PPP1R16B: variants seen among roughly 807,000 people sequenced by gnomAD.
PPP1R16B encodes the protein protein phosphatase 1 regulatory subunit 16B.
A neutral mutation model predicts 61.7 loss-of-function variants in PPP1R16B; 14 were observed. The observed-to-expected ratio is 0.23, with a 90% CI of 0.15 to 0.35. The LOEUF (loss-of-function observed/expected upper bound fraction) is 0.35, where lower values mean the gene tolerates loss of function less well. Among genes scored for constraint, PPP1R16B ranks in the 10% least tolerant of loss-of-function variants. PPP1R16B has a pLI of 1.00. For synonymous variants in PPP1R16B, 266 were observed against 305.3 expected (o/e 0.87, Z 1.34); for missense variants, 547 against 752.5 (o/e 0.73, Z 3.19).
At chr20:38,911,537 T>C (rs189226214) in intron 10 of PPP1R16B, among the ~76,000 whole-genome samples, 4,691 of 150,610 alleles carry the variant, frequency 0.031, 124 homozygotes, top group Non-Finnish European at 0.044. Flanking sequence ...CATGCTCCTT[T>C]TTTTTTTTTT....
At chr20:38,915,797 G>GT (rs528236296) in intron 10 of PPP1R16B, among the ~76,000 whole-genome samples, 11 of 151,120 alleles carry the variant, frequency 7.3e-5, no homozygotes, top group Non-Finnish European at 1.2e-4. Flanking sequence ...GCCTGTACAT[G>GT]TTTTTTTTTA....
rs112061733 is a variant in PPP1R16B at position 38,895,905 on chromosome 20, C to T, written c.467+195C>T. Among the ~76,000 whole-genome samples, 233 of 75,644 alleles carry T rather than the reference C, an allele frequency of 3.1e-3. 2 individuals are homozygous for T. The highest frequency in any genetic ancestry group is 4.3e-3 in the African/African-American group (60 of 14,000). 49.6% of individuals were successfully genotyped at this position (75,644 alleles called of 152,430 possible). On this transcript the variant is annotated intron_variant, in intron 4 of 10. Coordinates refer to ENST00000299824, the MANE Select transcript of PPP1R16B (RefSeq NM_015568.4). ...TTCTTTCTTCCCTCCCTCCCTCCTT[C>T]CTTCTTTCTTCCCTCCCTCCCTCCT...
chr20:38,856,590 T>C (rs4812323), intron 2 of PPP1R16B, among the ~76,000 whole-genome samples: 108,868 of 152,014 alleles, frequency 0.72, 39,605 homozygotes, highest in African/African-American at 0.85. Flanking sequence ...ACAACTCACA[T>C]CTGAGCCCCC....
chr20:38,889,730 T>TGAG, intron 3 of PPP1R16B, 65 bp downstream of exon 3: 1 of 1,477,526 alleles, frequency 6.8e-7, no homozygotes, highest in Non-Finnish European at 9.5e-7. Flanking sequence ...ACCCTGTTTC[T>TGAG]CGGCACTTTC....
In PPP1R16B at chr20:38,825,803, A is replaced by G. The variant is rs1190412271; in HGVS notation, c.-101-10022A>G. Among the ~76,000 whole-genome samples the G allele has an allele frequency of 2.0e-5, 3 of 152,172 alleles. No homozygotes were observed. In the East Asian group the frequency reaches 5.8e-4, roughly 29 times the overall value. ...CATAAAGTACCATGCCCAGCCAAGG[A>G]TTTTAATCAGTGGATACAAAGGCAA... On this transcript the variant is annotated intron_variant, in intron 1 of 10. Transcript: ENST00000299824.
chr20:38,816,574 G>T (rs1285277244), intron 1 of PPP1R16B, among the ~76,000 whole-genome samples: 1 of 152,192 alleles, frequency 6.6e-6, no homozygotes, highest in Non-Finnish European at 1.5e-5. Flanking sequence ...GACCCACCTG[G>T]GGGGAACCAA....
At chr20:38,831,382 T>C (rs2084836119) in intron 1 of PPP1R16B, among the ~76,000 whole-genome samples, 1 of 152,224 alleles carries the variant, frequency 6.6e-6, no homozygotes, top group African/African-American at 2.4e-5. Flanking sequence ...GTGCCCTGTC[T>C]TGGGGCCGCC....
chr20:38,895,178 C>G (rs1228551805), intron 3 of PPP1R16B, among the ~76,000 whole-genome samples: 2 of 152,214 alleles, frequency 1.3e-5, no homozygotes, highest in Admixed American at 6.5e-5. Context: ...TACTGGTCAT[C>G]TAAGTGAGAG....
chr20:38,833,666 A>T (rs1294359576), intron 1 of PPP1R16B, among the ~76,000 whole-genome samples: 1 of 152,320 alleles, frequency 6.6e-6, no homozygotes, highest in East Asian at 1.9e-4. Flanking sequence ...GGCAACCAAA[A>T]CCAGCTAGCT....
In PPP1R16B at chr20:38,809,985, G is replaced by GAAA. The variant is rs11086731; in HGVS notation, c.-102+4212_-102+4214dup. Among the ~76,000 whole-genome samples the GAAA allele has an allele frequency of 8.0e-4, 64 of 80,064 alleles. 2 individuals carry two copies. The highest frequency in any genetic ancestry group is 2.2e-3 in the South Asian group (4 of 1,820). The allele number at this position is 80,064 out of a possible 152,430, so 52.5% of individuals were successfully genotyped here. A position where few individuals can be genotyped will look rare whatever the true frequency, so the allele number is the denominator to read the frequency against. On this transcript the variant is annotated intron_variant, in intron 1 of 10. Coordinates refer to ENST00000299824, the MANE Select transcript of PPP1R16B (RefSeq NM_015568.4). The stretch of plus-strand genomic sequence containing the variant: ...GGGCAACAGAGTAAGACCTTGTTTC[G>GAAA]AAAAAAAAAAAAAAAAAAAAACAAA...
intron 1 of PPP1R16B, among the ~76,000 whole-genome samples, chr20:38,829,502 G>A (rs2084823978): frequency 6.6e-6 from 1 of 152,208 alleles, no homozygotes; most frequent in African/African-American, 2.4e-5. Flanking sequence ...ATGTCTCCAT[G>A]GAGCTGGTTT....
chr20:38,841,353 GAAAAAA>G (rs34203271), intron 2 of PPP1R16B, among the ~76,000 whole-genome samples: 2 of 42,584 alleles, frequency 4.7e-5, no homozygotes, highest in African/African-American at 1.6e-4. Flanking sequence ...TGTCTGTACT[GAAAAAA>G]AAAAAAAAAA....
At chr20:38,875,267 G>A (rs895831412) in intron 2 of PPP1R16B, among the ~76,000 whole-genome samples, 2 of 152,196 alleles carry the variant, frequency 1.3e-5, no homozygotes, top group African/African-American at 4.8e-5. Flanking sequence ...AAAACTTGCA[G>A]CTTGCTCCCC....
chr20:38,908,148 C>T lies in PPP1R16B; in HGVS notation c.1149C>T (p.Asn383=), dbSNP rs539000887. 1.9e-5 allele frequency: 31 copies of T among 1,614,106 alleles called. No homozygotes were observed. Among genetic ancestry groups the T allele is most frequent in the African/African-American group, 2.7e-5 (2 of 74,942 alleles). ...AGGATCAGCGGACCTCCACCTACAA[C>T]GGGGACATCAGGGAGACCAGGACAG... is the stretch of plus-strand genomic sequence containing the variant. ...AAEDQRTSTY[N]GDIRETRTDQ... The change falls in exon 10 of 11, where the codon AAC becomes AAT. Residue 383 remains asparagine, a synonymous_variant. Transcript: ENST00000299824.
intron 10 of PPP1R16B, among the ~76,000 whole-genome samples, chr20:38,913,549 C>T (rs1182076365): frequency 6.6e-6 from 1 of 152,224 alleles, no homozygotes; most frequent in African/African-American, 2.4e-5. Context: ...GCGTGAGCCA[C>T]CATGCCTGGC....
intron 2 of PPP1R16B, among the ~76,000 whole-genome samples, chr20:38,861,789 G>C (rs2085053344): frequency 6.7e-6 from 1 of 148,608 alleles, no homozygotes; most frequent in Admixed American, 6.9e-5. Context: ...CGATTCTCTT[G>C]CCTCGGCCTC....
At chr20:38,882,321 A>G (rs2085208966) in intron 2 of PPP1R16B, among the ~76,000 whole-genome samples, 1 of 151,908 alleles carries the variant, frequency 6.6e-6, no homozygotes, top group African/African-American at 2.4e-5. Context: ...TTGATGAGGG[A>G]GGCTCAAGGA....
At chr20:38,857,792 C>T (rs2145734527) in intron 2 of PPP1R16B, among the ~76,000 whole-genome samples, 1 of 151,904 alleles carries the variant, frequency 6.6e-6, no homozygotes, top group South Asian at 2.1e-4. Flanking sequence ...CCAAGTATCT[C>T]TCAGGACGCA....
At chr20:38,810,517 CGAA>C (rs1260425716) in intron 1 of PPP1R16B, among the ~76,000 whole-genome samples, 5 of 152,076 alleles carry the variant, frequency 3.3e-5, no homozygotes, top group Admixed American at 1.3e-4. Context: ...CCAGGAAGCA[CGAA>C]GAAGAAGAGG....
Sources: allele counts gnomAD v4.1 joint callset (sites outside exome capture counted in the v4.1 genomes callset), GRCh38; gene constraint gnomAD v4.1.1; transcripts MANE v1.5; gene names NCBI Gene and HGNC (gene_info 2026-07-23, HGNC 2026-07-21).